ASNS: variants seen among roughly 807,000 people sequenced by gnomAD.
The protein encoded by ASNS is asparagine synthetase [glutamine-hydrolyzing].
In ASNS, 37 loss-of-function variants were observed where a neutral mutation model predicts 62.6. The observed-to-expected ratio is 0.59, with a 90% CI of 0.45 to 0.78. The LOEUF is 0.78. Ranked by LOEUF, ASNS falls within the 30% of genes least tolerant of loss-of-function variation. The pLI is 0.00. For synonymous variants in ASNS, 207 were observed against 237.9 expected, an observed-to-expected ratio of 0.87 and a Z score of 1.19; for missense variants, 520 against 682.4, an observed-to-expected ratio of 0.76 and a Z score of 2.65.
chr7:97,868,855 C>T (rs764231696), intron 3 of ASNS, 53 bp downstream of exon 3: 75 of 1,599,208 alleles, frequency 4.7e-5, no homozygotes, highest in Non-Finnish European at 6.0e-5. Context: ...TCATCGTAAC[C>T]AACAAACTCT....
the ASNS span, among the ~76,000 whole-genome samples, chr7:97,895,726 G>C: frequency 6.6e-6 from 1 of 152,146 alleles, no homozygotes; most frequent in Non-Finnish European, 1.5e-5. Flanking sequence ...GAGAGGTGGA[G>C]GTTGCAGTGA....
the ASNS span, among the ~76,000 whole-genome samples, chr7:97,885,461 CTG>C: frequency 6.6e-6 from 1 of 152,224 alleles, no homozygotes; most frequent in African/African-American, 2.4e-5. Context: ...AAGTGCCAGA[CTG>C]TGTAAGAAAG....
intron 1 of ASNS, 41 bp downstream of exon 1, chr7:97,872,310 T>TGGCGCGGGGCGCAG (rs3832526): frequency 0.16 from 23,955 of 151,428 alleles, 2,110 homozygotes; most frequent in Admixed American, 0.27. Flanking sequence ...AGGAGGATGC[T>TGGCGCGGGGCGCAG]GGCGCGGGGC....
the ASNS span, among the ~76,000 whole-genome samples, chr7:97,881,722 TGA>T: frequency 6.6e-6 from 1 of 152,144 alleles, no homozygotes; most frequent in East Asian, 1.9e-4. Flanking sequence ...CAGCCAAGGT[TGA>T]GACCCACTGA....
the ASNS span, among the ~76,000 whole-genome samples, chr7:97,914,618 C>A: frequency 0.85 from 129,703 of 152,018 alleles, 55,407 homozygotes; most frequent in East Asian, 0.91. Context: ...ATCTTATCAA[C>A]TACTTGCAGT....
the ASNS span, among the ~76,000 whole-genome samples, chr7:97,904,094 A>G: frequency 2.0e-5 from 3 of 152,148 alleles, no homozygotes; most frequent in Non-Finnish European, 4.4e-5. Flanking sequence ...AGCTTCTATT[A>G]AGGGGTGTTA....
chr7:97,859,085 A>C lies in ASNS; in HGVS notation c.673+128T>G, dbSNP rs554125735. ...CAATGGTGGAGTGTGCCAAATCTTA[A>C]TGTGTTCCCTCCAAACAAAATAGGA... On this transcript the variant is annotated intron_variant, in intron 5 of 12. Transcript: ENST00000394308. The C allele has an allele frequency of 2.4e-3, 3,341 of 1,394,708 alleles. 81 individuals carry two copies. In the South Asian group the frequency reaches 0.036, roughly 15 times the overall value. 86.4% of individuals were successfully genotyped at this position (1,394,708 alleles called of 1,614,324 possible).
chr7:97,881,460 T>C, the ASNS span, among the ~76,000 whole-genome samples: 6 of 151,330 alleles, frequency 4.0e-5, no homozygotes, highest in African/African-American at 1.2e-4. Context: ...GGCAACCACT[T>C]ACCTGCTTTC....
At chr7:97,858,824 A>G in intron 6 of ASNS, 30 bp downstream of exon 6, 7 of 1,560,334 alleles carry the variant, frequency 4.5e-6, no homozygotes, top group East Asian at 2.3e-5. Context: ...CACACATGAA[A>G]TATAATTAGG....
the ASNS span, among the ~76,000 whole-genome samples, chr7:97,902,039 T>C: frequency 6.6e-6 from 1 of 152,160 alleles, no homozygotes; most frequent in Non-Finnish European, 1.5e-5. Context: ...ATGGACAATA[T>C]GTACATGGGT....
chr7:97,873,643 C>G (rs1407766627), upstream of ASNS, among the ~76,000 whole-genome samples: 1 of 152,182 alleles, frequency 6.6e-6, no homozygotes, highest in Non-Finnish European at 1.5e-5. Context: ...AAAAATAAGA[C>G]TCAGAAAAGT....
chr7:97,865,319 AAGGT>A (rs371359453), intron 3 of ASNS, among the ~76,000 whole-genome samples: 2 of 152,220 alleles, frequency 1.3e-5, no homozygotes, highest in African/African-American at 2.4e-5. Context: ...TTTTGATTAA[AAGGT>A]TACTATACAC....
chr7:97,922,581 T>A, the ASNS span, among the ~76,000 whole-genome samples: 1 of 152,108 alleles, frequency 6.6e-6, no homozygotes, highest in Non-Finnish European at 1.5e-5. Context: ...GCAGATTTTT[T>A]AAGTGTTCTC....
At position 97,853,097 on chromosome 7, in the gene ASNS, G is replaced by A. The variant is rs754043007; in HGVS notation, c.1439C>T (p.Ser480Phe). 1.8e-5 allele frequency: 28 copies of A among 1,595,878 alleles called. No individual in the cohort carries two copies. Among genetic ancestry groups the A allele is most frequent in the East Asian group, 2.2e-5 (1 of 44,732 alleles). Residue 480 changes from serine to phenylalanine, a missense_variant, in exon 12 of 13, where the codon TCC becomes TTC. Physicochemically the swap from Ser to Phe is radical, Grantham distance 155 (BLOSUM62 -2). Coordinates refer to ENST00000394308, the MANE Select transcript of ASNS (RefSeq NM_001673.5). ...GTATTCCTGTAAAATCTTAAACCAGGAATTCTTAACTGAAGTTATTCCATC... is the reference window on the plus strand; with the variant it reads ...GTATTCCTGTAAAATCTTAAACCAGAAATTCTTAACTGAAGTTATTCCATC... ...FSDGITSVKNSWFKILQEYVE... is the reference protein window; with the variant it reads ...FSDGITSVKNFWFKILQEYVE...
chr7:97,912,425 T>C, the ASNS span, among the ~76,000 whole-genome samples: 2 of 152,056 alleles, frequency 1.3e-5, no homozygotes, highest in Admixed American at 6.6e-5. Flanking sequence ...GGCTCCCCCA[T>C]TTAAGACCCT....
chr7:97,924,405 T>C, the ASNS span, among the ~76,000 whole-genome samples: 1 of 152,210 alleles, frequency 6.6e-6, no homozygotes, highest in Non-Finnish European at 1.5e-5. Context: ...CACGTTCCAG[T>C]GGGTGGCCAT....
At chr7:97,870,210 C>A in intron 1 of ASNS, 1 of 1,002,324 alleles carries the variant, frequency 1.0e-6, no homozygotes, top group South Asian at 2.9e-5. Flanking sequence ...GACTGCCTTT[C>A]TGTTCAGTGT....
At chr7:97,882,471 C>T in the ASNS span, among the ~76,000 whole-genome samples, 1 of 151,872 alleles carries the variant, frequency 6.6e-6, no homozygotes, top group Non-Finnish European at 1.5e-5. Context: ...TCGCTTGAAC[C>T]AGGGAGTCAG....
At chr7:97,852,766 G>GT (rs776157846) in intron 12 of ASNS, among the ~76,000 whole-genome samples, 8 of 152,162 alleles carry the variant, frequency 5.3e-5, no homozygotes, top group Non-Finnish European at 1.0e-4. Context: ...AATCAGTGAT[G>GT]ATTAGTAGTA....
Sources: gnomAD v4.1 joint callset for allele counts (sites outside exome capture counted in the v4.1 genomes callset) on GRCh38, gnomAD v4.1.1 for gene constraint, MANE v1.5 for transcripts, NCBI Gene and HGNC (gene_info 2026-07-23, HGNC 2026-07-21) for gene names.